ABCA13: variants seen among roughly 807,000 people sequenced by gnomAD.
ABCA13 encodes ATP-binding cassette sub-family A member 13.
In ABCA13, 476 loss-of-function variants were observed where a neutral mutation model predicts 478.7. The observed-to-expected ratio is 0.99, with a 90% CI of 0.92 to 1.07. The LOEUF (loss-of-function observed/expected upper bound fraction) is 1.07. ABCA13 is among the 50% of genes least tolerant of loss of function. The probability of loss-of-function intolerance (pLI) is 0.00; values close to 1 mark genes in which losing one functional copy is unlikely to be tolerated. For missense variants in ABCA13, 6,060 were observed against 5,910.6 expected (o/e 1.03, Z -0.83); for synonymous variants, 2,252 against 2,158.9 (o/e 1.04, Z -1.20).
At chr7:48,238,964 T>C (rs78428482) in intron 8 of ABCA13, among the ~76,000 whole-genome samples, 3,445 of 152,304 alleles carry the variant, frequency 0.023, 136 homozygotes, top group African/African-American at 0.079. Flanking sequence ...ACTTTTGGCC[T>C]AAGAATGAAA....
At chr7:48,559,828 C>T (rs1786266522) in intron 55 of ABCA13, among the ~76,000 whole-genome samples, 1 of 152,174 alleles carries the variant, frequency 6.6e-6, no homozygotes, top group Non-Finnish European at 1.5e-5. Context: ...AAATGTCATC[C>T]CGGAGCAAAG....
intron 55 of ABCA13, among the ~76,000 whole-genome samples, chr7:48,545,130 G>A (rs1784705543): frequency 6.6e-6 from 1 of 151,798 alleles, no homozygotes; most frequent in South Asian, 2.1e-4. Flanking sequence ...TTCTGATTTG[G>A]AGGCATAGGT....
At chr7:48,582,756 A>C (rs969069497) in intron 56 of ABCA13, among the ~76,000 whole-genome samples, 1 of 152,100 alleles carries the variant, frequency 6.6e-6, no homozygotes, top group Non-Finnish European at 1.5e-5. Flanking sequence ...TCAACCTTTC[A>C]AAAGTTTGAT....
intron 55 of ABCA13, among the ~76,000 whole-genome samples, chr7:48,561,923 T>C (rs1377587888): frequency 1.3e-5 from 2 of 152,228 alleles, no homozygotes; most frequent in African/African-American, 4.8e-5. Context: ...ATAAGATAAG[T>C]GTCCAATTTC....
intron 3 of ABCA13, among the ~76,000 whole-genome samples, chr7:48,213,027 C>T (rs1785905959): frequency 6.6e-6 from 1 of 151,758 alleles, no homozygotes; most frequent in Non-Finnish European, 1.5e-5. Flanking sequence ...AGATTTTTTC[C>T]TGTATTTTCT....
At chr7:48,397,201 A>G (rs1816953917) in intron 38 of ABCA13, among the ~76,000 whole-genome samples, 1 of 152,124 alleles carries the variant, frequency 6.6e-6, no homozygotes, top group African/African-American at 2.4e-5. Flanking sequence ...TCGCAAAATT[A>G]GGAGACCTGG....
In ABCA13 at chr7:48,274,570, TA is replaced by T; in HGVS notation, c.4906del (p.Arg1636GlyfsTer7). The T allele has an allele frequency of 1.2e-6, 2 of 1,613,950 alleles. No individual in the cohort carries two copies. Among genetic ancestry groups the T allele is most frequent in the Non-Finnish European group, 1.7e-6 (2 of 1,179,864 alleles). On this transcript the variant is annotated frameshift_variant, in exon 17 of 62. Coordinates refer to ENST00000435803, the MANE Select transcript of ABCA13 (RefSeq NM_152701.5). LOFTEE classifies it high-confidence loss of function. ...MKATGLGIQLIRDVFNSLMPV... is the reference protein window; with the variant it reads ...MKATGLGIQLXRDVFNSLMPV... Reference sequence around the variant, plus strand: ...GCTACAGGTCTTGGTATTCAACTGATAAGGGATGTGTTCAACTCCTTAATGC... The same window carrying T: ...GCTACAGGTCTTGGTATTCAACTGATAGGGATGTGTTCAACTCCTTAATGC...
intron 55 of ABCA13, among the ~76,000 whole-genome samples, chr7:48,549,415 A>G (rs993520454): frequency 1.3e-5 from 2 of 151,888 alleles, no homozygotes; most frequent in Admixed American, 6.6e-5. Context: ...TTATGGCTGC[A>G]TAGTATTCCA....
intron 55 of ABCA13, among the ~76,000 whole-genome samples, chr7:48,539,695 C>A (rs186652778): frequency 1.3e-5 from 2 of 152,062 alleles, no homozygotes; most frequent in Non-Finnish European, 2.9e-5. Flanking sequence ...TTTATTCTCT[C>A]GACATTCTCC....
At chr7:48,307,818 T>A (rs2128874364) in intron 23 of ABCA13, among the ~76,000 whole-genome samples, 1 of 152,180 alleles carries the variant, frequency 6.6e-6, no homozygotes, top group Admixed American at 6.5e-5. Context: ...GCAGCTGGGA[T>A]TACAGGTGTA....
intron 31 of ABCA13, among the ~76,000 whole-genome samples, chr7:48,365,412 T>A (rs1369679782): frequency 1.3e-5 from 2 of 152,190 alleles, no homozygotes; most frequent in African/African-American, 4.8e-5. Context: ...AGAAGCTTTT[T>A]AGCTTGATGT....
rs777895227 is a variant in ABCA13 at position 48,273,201 on chromosome 7, T to C, written c.3535T>C (p.Phe1179Leu). The C allele has an allele frequency of 6.2e-7, 1 of 1,613,708 alleles. No homozygotes were observed. Among genetic ancestry groups the C allele is most frequent in the South Asian group, 1.1e-5 (1 of 91,082 alleles). Residue 1179 changes from phenylalanine to leucine, a missense_variant, in exon 17 of 62, where the codon TTC becomes CTC. This residue lies in a region of ABCA13 where 4,423 missense variants were observed against 4,309.1 expected (regional missense o/e 1.03). Transcript: ENST00000435803. ...TGTTTTCACATCTCTTCATCATGGT[T>C]TCACTCAGCTTTTGGATGAATTGGA... ...MNVFTSLHHG[F>L]TQLLDELEDD...
chr7:48,372,036 C>G (rs771938783), intron 32 of ABCA13, 132 bp from the exon 33 acceptor site: 17 of 870,660 alleles, frequency 2.0e-5, no homozygotes, highest in Non-Finnish European at 3.0e-5. Context: ...TCCCAGGGCC[C>G]TTCACAGGGC....
At chr7:48,378,283 G>A (rs1002058012) in intron 35 of ABCA13, among the ~76,000 whole-genome samples, 17 of 152,140 alleles carry the variant, frequency 1.1e-4, no homozygotes, top group Admixed American at 7.9e-4. Flanking sequence ...GTATTGAGTC[G>A]TTCCTTATCC....
chr7:48,509,778 A>G (rs984176241), intron 50 of ABCA13, among the ~76,000 whole-genome samples: 8 of 152,162 alleles, frequency 5.3e-5, no homozygotes, highest in Non-Finnish European at 1.2e-4. Flanking sequence ...TTGACACCTA[A>G]TCCCCAGTGT....
In ABCA13 at chr7:48,271,832, G is replaced by A; in HGVS notation, c.2166G>A (p.Leu722=). The A allele has an allele frequency of 6.4e-7, 1 of 1,564,918 alleles. No individual in the cohort carries two copies. Among genetic ancestry groups the A allele is most frequent in the Non-Finnish European group, 8.7e-7 (1 of 1,154,182 alleles). ...ACCTTCTAATGATGGAAAAGAAGTT[G>A]CACACCCTTGAGGATGAACAAATGA... ...TKHLLMMEKK[L]HTLEDEQMNF... The change falls in exon 17 of 62, where the codon TTG becomes TTA. Residue 722 remains leucine, a synonymous_variant. Transcript: ENST00000435803.
intron 15 of ABCA13, among the ~76,000 whole-genome samples, chr7:48,254,194 A>G (rs1378884200): frequency 6.6e-6 from 1 of 150,834 alleles, no homozygotes; most frequent in Non-Finnish European, 1.5e-5. Context: ...CAATAATTTT[A>G]TTTTCTGGGT....
At chr7:48,538,099 C>CTTTTTTTTTTTTT (rs1563409461) in intron 55 of ABCA13, among the ~76,000 whole-genome samples, 2 of 120,010 alleles carry the variant, frequency 1.7e-5, no homozygotes, top group African/African-American at 3.3e-5. Context: ...TTCTTTCTTT[C>CTTTTTTTTTTTTT]CTTTTTTTTT....
chr7:48,272,741 T>A lies in ABCA13; in HGVS notation c.3075T>A (p.Ser1025=). 6.2e-7 allele frequency: 1 copy of A among 1,609,488 alleles called. No homozygotes were observed. Among genetic ancestry groups the A allele is most frequent in the East Asian group, 2.2e-5 (1 of 44,780 alleles). Residue 1025 remains serine, a synonymous_variant, in exon 17 of 62, where the codon TCT becomes TCA. Coordinates refer to ENST00000435803, the MANE Select transcript of ABCA13 (RefSeq NM_152701.5). ...CAGCAGAGGTTCTTGGGGGAATTTC[T>A]AATGTATCTTACTGTCAGCAATTGC... ...FKTAEVLGGI[S]NVSYCQQLLS... is the part of the protein sequence containing the mutation.
Sources: allele counts gnomAD v4.1 joint callset (sites outside exome capture counted in the v4.1 genomes callset), GRCh38; gene constraint gnomAD v4.1.1; regional missense constraint gnomAD v4.1.1; transcripts MANE v1.5; gene names NCBI Gene and HGNC (gene_info 2026-07-23, HGNC 2026-07-21).